NUP188: variants seen among roughly 807,000 people sequenced by gnomAD.
NUP188 encodes nucleoporin 188.
NUP188 carries 97 observed loss-of-function variants against 223.0 expected under a neutral mutation model. That is an observed-to-expected ratio of 0.43 (90% CI 0.37 to 0.51). NUP188 has a LOEUF of 0.51. Among genes scored for constraint, NUP188 ranks in the 20% least tolerant of loss-of-function variants. The pLI is 0.00. For synonymous variants in NUP188, 869 were observed against 828.0 expected (o/e 1.05, Z -0.85); for missense variants, 1,947 against 2,175.6 (o/e 0.89, Z 2.09).
Position 128,990,273 on chromosome 9 carries a change from T to C in NUP188, c.2640+47T>C, listed in dbSNP as rs746293870. 22 of 1,441,202 alleles carry C rather than the reference T, an allele frequency of 1.5e-5. No individual in the cohort carries two copies. In the Admixed American group the frequency reaches 3.3e-4, roughly 22 times the overall value. 89.3% of individuals were successfully genotyped at this position (1,441,202 alleles called of 1,614,324 possible). The stretch of plus-strand genomic sequence containing the variant: ...ACACACTGTTTATATGAGGGTGTTT[T>C]TTTCCCCCTGATTACAAAAGACATG... On this transcript the variant is annotated intron_variant, in intron 25 of 43. Transcript: ENST00000372577.
Position 128,962,929 on chromosome 9 carries a change from G to A in NUP188, c.585+3795G>A, listed in dbSNP as rs1280331554. Reference sequence around the variant, plus strand: ...CCATTTTAACTATTTTTAAGTAACTGTGACTATACTTTTACTTTTTCTGGA... The same window carrying A: ...CCATTTTAACTATTTTTAAGTAACTATGACTATACTTTTACTTTTTCTGGA... On this transcript the variant is annotated intron_variant, in intron 8 of 43. Coordinates refer to ENST00000372577, the MANE Select transcript of NUP188 (RefSeq NM_015354.3). 2.0e-5 allele frequency among the ~76,000 whole-genome samples: 3 copies of A among 152,220 alleles called. No homozygotes were observed. The East Asian group carries it at 5.8e-4, about 29-fold the overall frequency.
chr9:129,002,736 T>C (rs2131195481), intron 36 of NUP188, 81 bp from the exon 37 acceptor site: 1 of 1,448,508 alleles, frequency 6.9e-7, no homozygotes, highest in Middle Eastern at 1.8e-4. Context: ...TCAGCGCAGC[T>C]GGGCTGCCTT....
chr9:128,984,407 T>C (rs1842304133), intron 19 of NUP188, among the ~76,000 whole-genome samples: 1 of 152,196 alleles, frequency 6.6e-6, no homozygotes, highest in Non-Finnish European at 1.5e-5. Context: ...ATTACAGGCA[T>C]GAGCCATGGT....
chr9:128,958,751 G>A, intron 6 of NUP188, 51 bp from the exon 7 acceptor site: 2 of 999,862 alleles, frequency 2.0e-6, no homozygotes, highest in Non-Finnish European at 2.9e-6. Context: ...TTAAACTTGA[G>A]TTTCCTATGT....
intron 20 of NUP188, chr9:128,985,369 T>C (rs1588283340): frequency 6.0e-6 from 1 of 165,826 alleles, no homozygotes; most frequent in East Asian, 1.7e-4. Flanking sequence ...GAAGCAAAAT[T>C]TCACAGTTTA....
chr9:128,984,124 ATT>A lies in NUP188; in HGVS notation c.1961+592_1961+593del, dbSNP rs1193631566. ...GGCGTGAGCCACCGCGCCTGGCCTG[ATT>A]TTTTTTTTTTTTTTTTTGAGATGGA... is the stretch of plus-strand genomic sequence containing the variant. On this transcript the variant is annotated intron_variant, in intron 19 of 43. Transcript: ENST00000372577. Among the ~76,000 whole-genome samples, 37 of 92,996 alleles carry A rather than the reference ATT, an allele frequency of 4.0e-4. No individual in the cohort carries two copies. The East Asian group carries it at 7.4e-3, about 19-fold the overall frequency. The allele number at this position is 92,996 out of a possible 152,430, so 61.0% of individuals were successfully genotyped here.
chr9:128,977,352 C>G (rs111586251), intron 12 of NUP188, among the ~76,000 whole-genome samples: 8 of 152,046 alleles, frequency 5.3e-5, no homozygotes, highest in African/African-American at 1.9e-4. Context: ...ATCTCCTGAC[C>G]TTGTGATCTG....
chr9:129,005,588 C>T, intron 40 of NUP188, 57 bp from the exon 41 acceptor site: 6 of 1,610,918 alleles, frequency 3.7e-6, no homozygotes, highest in South Asian at 3.3e-5. Context: ...CTGCTGTGTA[C>T]CGAGAGCTAC....
At chr9:128,991,613 G>A (rs1259992426) in intron 25 of NUP188, among the ~76,000 whole-genome samples, 9 of 151,924 alleles carry the variant, frequency 5.9e-5, no homozygotes, top group Admixed American at 5.9e-4. Flanking sequence ...AGGCCCAGGT[G>A]GGTGGCTTGC....
At position 129,006,239 on chromosome 9, in the gene NUP188, G is replaced by T; in HGVS notation, c.4944G>T (p.Lys1648Asn). 6.2e-7 allele frequency: 1 copy of T among 1,614,126 alleles called. No homozygotes were observed. Among genetic ancestry groups the T allele is most frequent in the Non-Finnish European group, 8.5e-7 (1 of 1,180,020 alleles). The change falls in exon 43 of 44, where the codon AAG (lysine) becomes AAT (asparagine). Residue 1648 changes from lysine to asparagine, a missense_variant and splice_region_variant. Physicochemically the swap from Lys to Asn is moderately conservative, Grantham distance 94. Coordinates refer to ENST00000372577, the MANE Select transcript of NUP188 (RefSeq NM_015354.3). ...ACCAAAAACCTGTGTCTCCTCCCAG[G>T]TCCCTCCTGATGTTTACCATGGAAA... ...STQAEGTRTL[K>N]SLLMFTMENC...
intron 34 of NUP188, among the ~76,000 whole-genome samples, chr9:129,000,067 G>C (rs971115875): frequency 6.6e-6 from 1 of 152,226 alleles, no homozygotes; most frequent in African/African-American, 2.4e-5. Context: ...CTTAGAGATT[G>C]TAGCCGCGGG....
intron 8 of NUP188, among the ~76,000 whole-genome samples, chr9:128,962,088 A>C (rs1046580872): frequency 6.6e-6 from 1 of 150,422 alleles, no homozygotes; most frequent in African/African-American, 2.5e-5. Flanking sequence ...GGCATGCGCC[A>C]CCACACCCAG....
At chr9:128,998,856 C>CTTTTT (rs570377284) in intron 32 of NUP188, among the ~76,000 whole-genome samples, 1 of 125,806 alleles carries the variant, frequency 7.9e-6, no homozygotes, top group Non-Finnish European at 1.7e-5. Context: ...ACCCCGTATT[C>CTTTTT]TTTTTTTTTT....
intron 8 of NUP188, among the ~76,000 whole-genome samples, chr9:128,968,262 A>C (rs527907528): frequency 1.1e-4 from 17 of 151,656 alleles, no homozygotes; most frequent in Middle Eastern, 6.8e-3. Context: ...AAAAGCAAAA[A>C]ATCTGTCTCT....
chr9:128,956,809 A>T, intron 4 of NUP188, 143 bp from the exon 5 acceptor site: 2 of 576,032 alleles, frequency 3.5e-6, no homozygotes, highest in African/African-American at 1.9e-5. Context: ...TATTAGAGTC[A>T]GAATTGTTAT....
At chr9:128,957,358 T>C (rs761864653) in intron 5 of NUP188, among the ~76,000 whole-genome samples, 1 of 152,090 alleles carries the variant, frequency 6.6e-6, no homozygotes, top group Non-Finnish European at 1.5e-5. Context: ...AAAGAATATA[T>C]ATGCATATAA....
At chr9:128,989,601 A>C (rs1842385774) in intron 24 of NUP188, among the ~76,000 whole-genome samples, 1 of 152,140 alleles carries the variant, frequency 6.6e-6, no homozygotes, top group Admixed American at 6.5e-5. Context: ...TGGGAGGCCG[A>C]GGTGGGTGGA....
chr9:128,979,168 T>G, intron 12 of NUP188, 94 bp from the exon 13 acceptor site: 1 of 843,772 alleles, frequency 1.2e-6, no homozygotes, highest in Admixed American at 2.0e-5. Context: ...TGTTTATTGG[T>G]GTTTTGGTGT....
intron 19 of NUP188, among the ~76,000 whole-genome samples, chr9:128,983,860 A>C (rs777909505): frequency 4.0e-5 from 6 of 151,576 alleles, no homozygotes; most frequent in Non-Finnish European, 7.4e-5. Flanking sequence ...TCGCTCTGTT[A>C]CCGAGGCCAG....
Sources: gnomAD v4.1 joint callset for allele counts (sites outside exome capture counted in the v4.1 genomes callset) on GRCh38, gnomAD v4.1.1 for gene constraint, MANE v1.5 for transcripts, NCBI Gene and HGNC (gene_info 2026-07-23, HGNC 2026-07-21) for gene names.